GPC6: variants seen among roughly 807,000 people sequenced by gnomAD.
The protein encoded by GPC6 is glypican 6.
A neutral mutation model predicts 55.2 loss-of-function variants in GPC6; 14 were observed. The observed-to-expected ratio is 0.25, with a 90% CI of 0.17 to 0.40. The LOEUF (loss-of-function observed/expected upper bound fraction) is 0.40. Among genes scored for constraint, GPC6 ranks in the 10% least tolerant of loss-of-function variants. The probability of loss-of-function intolerance (pLI) is 1.00; values close to 1 mark genes in which losing one functional copy is unlikely to be tolerated. For missense variants in GPC6, 641 were observed against 708.5 expected (o/e 0.90, Z 1.08); for synonymous variants, 278 against 259.6 (o/e 1.07, Z -0.68).
chr13:93,332,773 AAAATTTATGTC>A, intron 1 of GPC6, among the ~76,000 whole-genome samples: 1 of 152,096 alleles, frequency 6.6e-6, no homozygotes, highest in East Asian at 1.9e-4. Flanking sequence ...TCTTACCTCA[AAAATTTATGTC>A]CTGAAGTGTT....
chr13:93,961,911 G>A (rs1879795247), intron 3 of GPC6, among the ~76,000 whole-genome samples: 1 of 152,046 alleles, frequency 6.6e-6, no homozygotes, highest in South Asian at 2.1e-4. Context: ...AGCCGTCCTA[G>A]CCTCACCTAG....
intron 1 of GPC6, among the ~76,000 whole-genome samples, chr13:93,321,418 T>A (rs1429933946): frequency 1.3e-5 from 2 of 152,190 alleles, no homozygotes; most frequent in Non-Finnish European, 2.9e-5. Context: ...TTTCTTCTGT[T>A]ATTTCTTGGA....
At chr13:94,200,235 A>C (rs1169682073) in intron 4 of GPC6, among the ~76,000 whole-genome samples, 1 of 152,142 alleles carries the variant, frequency 6.6e-6, no homozygotes, top group Non-Finnish European at 1.5e-5. Context: ...GAAACTTCAA[A>C]GTCATGGAGA....
rs144188733 is a variant in GPC6, at chr13:93,678,001, A to G, written c.319+132580A>G. Among the ~76,000 whole-genome samples, 1,187 of 152,262 alleles carry G rather than the reference A, an allele frequency of 7.8e-3. 16 individuals are homozygous for G. Among genetic ancestry groups the G allele is most frequent in the African/African-American group, 0.027 (1,105 of 41,552 alleles). On this transcript the variant is annotated intron_variant, in intron 2 of 8. Transcript: ENST00000377047. ...AATACTAAAAGGTATAAAGAGAAAC[A>G]TCTTTCCCACCTATGGTCAAAAATT...
At chr13:93,627,030 G>A (rs1240047830) in intron 2 of GPC6, among the ~76,000 whole-genome samples, 5 of 152,010 alleles carry the variant, frequency 3.3e-5, no homozygotes, top group Non-Finnish European at 5.9e-5. Flanking sequence ...TATACTTTAA[G>A]TTCTGGGGTA....
At chr13:93,230,890 T>C (rs888530540) in intron 1 of GPC6, among the ~76,000 whole-genome samples, 3 of 152,144 alleles carry the variant, frequency 2.0e-5, no homozygotes, top group Admixed American at 6.5e-5. Flanking sequence ...GTTTTATGCC[T>C]TGAGTCTTGC....
intron 4 of GPC6, among the ~76,000 whole-genome samples, chr13:94,282,204 T>A (rs1252193681): frequency 6.6e-6 from 1 of 152,084 alleles, no homozygotes; most frequent in African/African-American, 2.4e-5. Flanking sequence ...ACTGGGTAAT[T>A]TATAAAGGAA....
chr13:94,145,236 A>G (rs1214176236), intron 4 of GPC6, among the ~76,000 whole-genome samples: 2 of 152,068 alleles, frequency 1.3e-5, no homozygotes, highest in African/African-American at 2.4e-5. Flanking sequence ...TTTACCTAAC[A>G]TTCTATATAA....
chr13:94,032,459 G>A (rs1352495086), intron 4 of GPC6, among the ~76,000 whole-genome samples: 1 of 152,172 alleles, frequency 6.6e-6, no homozygotes, highest in African/African-American at 2.4e-5. Flanking sequence ...AATAGCCACA[G>A]CATATATAAT....
chr13:94,250,127 T>C (rs1032282171), intron 4 of GPC6, among the ~76,000 whole-genome samples: 3 of 152,154 alleles, frequency 2.0e-5, no homozygotes, highest in African/African-American at 7.2e-5. Flanking sequence ...ACCATGGAGA[T>C]TAAGAGAAAG....
At chr13:93,386,063 T>C (rs1594134463) in intron 1 of GPC6, among the ~76,000 whole-genome samples, 1 of 144,832 alleles carries the variant, frequency 6.9e-6, no homozygotes, top group African/African-American at 2.6e-5. Flanking sequence ...CACTGGGTAA[T>C]CTGGGATACA....
chr13:94,289,701 A>G (rs1874853177), intron 5 of GPC6, among the ~76,000 whole-genome samples: 1 of 152,246 alleles, frequency 6.6e-6, no homozygotes, highest in African/African-American at 2.4e-5. Context: ...TAAAAGGAAC[A>G]CAGGACCAGA....
At chr13:93,861,944 A>T (rs756394242) in intron 3 of GPC6, among the ~76,000 whole-genome samples, 4 of 151,582 alleles carry the variant, frequency 2.6e-5, no homozygotes, top group Admixed American at 6.6e-5. Flanking sequence ...AGATAAGGAG[A>T]CATGCCTGCC....
intron 2 of GPC6, among the ~76,000 whole-genome samples, chr13:93,653,645 A>G (rs917368427): frequency 0.016 from 170 of 10,940 alleles, 1 homozygote; most frequent in Middle Eastern, 0.5. Context: ...CTTAAAAAAA[A>G]TATATATTTT....
chr13:94,195,645 A>T (rs1476340451), intron 4 of GPC6, among the ~76,000 whole-genome samples: 1 of 152,222 alleles, frequency 6.6e-6, no homozygotes, highest in Non-Finnish European at 1.5e-5. Context: ...AAATGAGATA[A>T]TGCAAATAAA....
chr13:93,993,052 A>G (rs564829241), intron 3 of GPC6, among the ~76,000 whole-genome samples: 2 of 152,322 alleles, frequency 1.3e-5, no homozygotes, highest in African/African-American at 4.8e-5. Flanking sequence ...AGCAATTTCA[A>G]TAAGCCCTTA....
At chr13:93,613,401 G>T (rs1196125572) in intron 2 of GPC6, among the ~76,000 whole-genome samples, 1 of 152,110 alleles carries the variant, frequency 6.6e-6, no homozygotes. Flanking sequence ...AGTCAACAAA[G>T]TCTGAATAGT....
At chr13:94,184,281 C>T (rs1399686104) in intron 4 of GPC6, among the ~76,000 whole-genome samples, 2 of 151,600 alleles carry the variant, frequency 1.3e-5, no homozygotes, top group African/African-American at 2.4e-5. Flanking sequence ...ACAAGGGGGA[C>T]CTAATTAAAC....
intron 5 of GPC6, among the ~76,000 whole-genome samples, 178 bp from the exon 6 acceptor site, chr13:94,305,802 C>G (rs1490487822): frequency 1.3e-5 from 2 of 152,150 alleles, no homozygotes; most frequent in African/African-American, 2.4e-5. Context: ...GTGTATCTGT[C>G]TGGGTAATTC....
Sources: allele counts gnomAD v4.1 joint callset (sites outside exome capture counted in the v4.1 genomes callset), GRCh38; gene constraint gnomAD v4.1.1; transcripts MANE v1.5; gene names NCBI Gene and HGNC (gene_info 2026-07-23, HGNC 2026-07-21).